CLCN5: variants seen among roughly 807,000 people sequenced by gnomAD.
The protein encoded by CLCN5 is H(+)/Cl(-) exchange transporter 5.
CLCN5 carries 17 observed loss-of-function variants against 54.0 expected under a neutral mutation model. The observed-to-expected ratio is 0.31, with a 90% CI of 0.22 to 0.47. CLCN5 has a LOEUF of 0.47. CLCN5 is among the 20% of genes least tolerant of loss of function. The probability of loss-of-function intolerance (pLI) is 1.00; values close to 1 mark genes in which losing one functional copy is unlikely to be tolerated. For missense variants in CLCN5, 448 were observed against 646.7 expected, an observed-to-expected ratio of 0.69 and a Z score of 3.33; for synonymous variants, 222 against 233.0, an observed-to-expected ratio of 0.95 and a Z score of 0.43.
intron 3 of CLCN5, among the ~76,000 whole-genome samples, chrX:49,966,594 T>TTTTA (rs1927873168): frequency 1.6e-4 from 2 of 12,177 alleles, no homozygotes; most frequent in Non-Finnish European, 2.8e-4. Context: ...CTGATCTTTT[T>TTTTA]TTTTTTTTTT....
At chrX:50,078,794 C>T (rs1933549071) in intron 7 of CLCN5, among the ~76,000 whole-genome samples, 1 of 112,248 alleles carries the variant, frequency 8.9e-6, no homozygotes, top group African/African-American at 3.2e-5. Flanking sequence ...AAATCCTTCC[C>T]TGGGGAAAGA....
intron 4 of CLCN5, among the ~76,000 whole-genome samples, chrX:50,062,653 C>T (rs1261018900): frequency 1.0e-5 from 1 of 95,320 alleles, no homozygotes; most frequent in Non-Finnish European, 2.0e-5. Context: ...CTGCACCAAG[C>T]GGACCTAATA....
chrX:50,050,962 G>A (rs373109645), intron 4 of CLCN5, among the ~76,000 whole-genome samples: 6 of 111,254 alleles, frequency 5.4e-5, no homozygotes, highest in African/African-American at 1.6e-4. Context: ...GCGCCTGGCC[G>A]TGGCTTGTCT....
At chrX:50,005,584 T>C (rs1315768784) in intron 3 of CLCN5, among the ~76,000 whole-genome samples, 1 of 111,869 alleles carries the variant, frequency 8.9e-6, no homozygotes. Context: ...CTAAAGAGGA[T>C]TTTTTAAAAA....
intron 4 of CLCN5, among the ~76,000 whole-genome samples, chrX:50,066,922 T>TAAAG (rs59057857): frequency 0.11 from 12,341 of 110,768 alleles, 1,697 homozygotes; most frequent in African/African-American, 0.4. Flanking sequence ...GATTTGTACA[T>TAAAG]AAGCATAAAA....
intron 3 of CLCN5, among the ~76,000 whole-genome samples, chrX:50,009,292 A>G (rs1557182099): frequency 2.7e-5 from 3 of 111,933 alleles, no homozygotes; most frequent in Non-Finnish European, 5.6e-5. Context: ...TAATGGGGAA[A>G]CACACATTGG....
intron 3 of CLCN5, among the ~76,000 whole-genome samples, chrX:49,983,159 A>G (rs1305131092): frequency 8.9e-6 from 1 of 111,897 alleles, no homozygotes; most frequent in Non-Finnish European, 1.9e-5. Context: ...TAAATCATGA[A>G]TACAGCTGTG....
chrX:50,040,149 A>G, intron 3 of CLCN5, among the ~76,000 whole-genome samples: 1 of 112,346 alleles, frequency 8.9e-6, no homozygotes, highest in African/African-American at 3.2e-5. Flanking sequence ...AAGCAGAGAC[A>G]GGATTTTGTG....
At chrX:50,015,727 A>G (rs1227513622) in intron 3 of CLCN5, among the ~76,000 whole-genome samples, 1 of 110,095 alleles carries the variant, frequency 9.1e-6, no homozygotes, top group Non-Finnish European at 1.9e-5. Context: ...CTCTCTTCTT[A>G]GCTAAGCTGA....
intron 4 of CLCN5, among the ~76,000 whole-genome samples, chrX:50,064,852 C>T (rs1427079832): frequency 9.5e-5 from 10 of 105,457 alleles, no homozygotes; most frequent in African/African-American, 3.7e-4. Flanking sequence ...TCAGAAATAA[C>T]GCCGCTTACC....
At chrX:50,006,817 A>G (rs1280317140) in intron 3 of CLCN5, among the ~76,000 whole-genome samples, 1 of 111,844 alleles carries the variant, frequency 8.9e-6, no homozygotes, top group Non-Finnish European at 1.9e-5. Flanking sequence ...TTACTCCTGT[A>G]GGGAGCCAGA....
At chrX:50,020,794 T>A in intron 3 of CLCN5, among the ~76,000 whole-genome samples, 2 of 2,865 alleles carry the variant, frequency 7.0e-4, no homozygotes, top group African/African-American at 4.3e-3. Flanking sequence ...GTTGTAGATA[T>A]GTGGCATTAT....
chrX:49,998,862 T>TACAC (rs1357218752), intron 3 of CLCN5, among the ~76,000 whole-genome samples: 1 of 110,413 alleles, frequency 9.1e-6, no homozygotes, highest in African/African-American at 3.3e-5. Flanking sequence ...TTGAGTCTTC[T>TACAC]ACACACACAC....
intron 9 of CLCN5, among the ~76,000 whole-genome samples, chrX:50,083,812 T>C (rs925335525): frequency 8.9e-6 from 1 of 112,284 alleles, no homozygotes; most frequent in Admixed American, 9.4e-5. Context: ...GAAATTTTTT[T>C]AAAAAAATAT....
intron 3 of CLCN5, among the ~76,000 whole-genome samples, chrX:49,988,364 A>T (rs781935610): frequency 8.9e-6 from 1 of 111,807 alleles, no homozygotes; most frequent in South Asian, 3.8e-4. Flanking sequence ...AACTGCTGCC[A>T]GACTCTGCCC....
chrX:50,079,091 T>G (rs782809526), intron 7 of CLCN5, among the ~76,000 whole-genome samples: 1 of 111,906 alleles, frequency 8.9e-6, no homozygotes, highest in South Asian at 3.8e-4. Context: ...CTCTAGGTTT[T>G]AAGAAGCCTT....
At chrX:49,986,950 G>A (rs1459867736) in intron 3 of CLCN5, among the ~76,000 whole-genome samples, 1 of 111,615 alleles carries the variant, frequency 9.0e-6, no homozygotes, top group African/African-American at 3.3e-5. Context: ...GCTGGTGTAA[G>A]GTATATATAC....
intron 3 of CLCN5, among the ~76,000 whole-genome samples, chrX:50,032,399 A>C (rs781845943): frequency 0.069 from 7,652 of 110,343 alleles, 726 homozygotes; most frequent in African/African-American, 0.24. Context: ...CTGACTTTTT[A>C]ATGATTGCCA....
chrX:49,973,084 G>T (rs1189655275), intron 3 of CLCN5, among the ~76,000 whole-genome samples: 2 of 111,138 alleles, frequency 1.8e-5, no homozygotes, highest in Non-Finnish European at 3.8e-5. Context: ...CACTAAAGTT[G>T]GCGAAGCACT....
Sources: gnomAD v4.1 joint callset for allele counts (sites outside exome capture counted in the v4.1 genomes callset) on GRCh38, gnomAD v4.1.1 for gene constraint, MANE v1.5 for transcripts, NCBI Gene and HGNC (gene_info 2026-07-23, HGNC 2026-07-21) for gene names.